The following SLC25A48 variants were observed in gnomAD, a reference collection of about 807,000 sequenced individuals.
SLC25A48 encodes solute carrier family 25 member 48.
A neutral mutation model predicts 32.2 loss-of-function variants in SLC25A48; 29 were observed. That is an observed-to-expected ratio of 0.90 (90% CI 0.67 to 1.23). The LOEUF (loss-of-function observed/expected upper bound fraction) is 1.23. Ranked by LOEUF, SLC25A48 falls within the 50% of genes most tolerant of loss-of-function variation. The probability of loss-of-function intolerance (pLI) is 0.00; values close to 1 mark genes in which losing one functional copy is unlikely to be tolerated. For synonymous variants in SLC25A48, 164 were observed against 172.3 expected (o/e 0.95, Z 0.38); for missense variants, 399 against 422.7 (o/e 0.94, Z 0.49).
At chr5:135,837,446 GAA>G (rs759510396) in intron 1 of SLC25A48, among the ~76,000 whole-genome samples, 4 of 152,130 alleles carry the variant, frequency 2.6e-5, no homozygotes, top group Non-Finnish European at 5.9e-5. Flanking sequence ...GTGTTCTCGG[GAA>G]TTTGTCTTTG....
At chr5:135,624,217 T>C (rs1336309161) in intron 1 of SLC25A48, among the ~76,000 whole-genome samples, 1 of 152,118 alleles carries the variant, frequency 6.6e-6, no homozygotes. Context: ...CTGGGAACCA[T>C]AGCGCAGTGA....
intron 1 of SLC25A48, among the ~76,000 whole-genome samples, chr5:135,623,951 T>C (rs1464079701): frequency 1.3e-5 from 2 of 152,178 alleles, no homozygotes; most frequent in African/African-American, 4.8e-5. Flanking sequence ...AGCCTCACCT[T>C]CACAGAGCTT....
intron 3 of SLC25A48, among the ~76,000 whole-genome samples, chr5:135,800,849 T>C (rs959425691): frequency 1.1e-4 from 16 of 151,436 alleles, no homozygotes; most frequent in African/African-American, 2.7e-4. Context: ...GCCTGTGATA[T>C]GGTTCGTAAC....
intron 3 of SLC25A48, chr5:135,649,302 T>G (rs1753046248): frequency 6.6e-6 from 1 of 152,166 alleles, no homozygotes; most frequent in African/African-American, 2.4e-5. Context: ...GTGTAAATGA[T>G]TGACTTGGTG....
At position 135,854,100 on chromosome 5, in the gene SLC25A48, T is replaced by C. The variant is rs181627736; in HGVS notation, c.421+1279T>C. 2.6e-5 allele frequency among the ~76,000 whole-genome samples: 4 copies of C among 152,330 alleles called. No individual in the cohort carries two copies. The East Asian group carries it at 7.7e-4, about 29-fold the overall frequency. ...GGTCTCAACAGCGGACCTAAAATAC[T>C]CAGGAAACCATGCTGTAAACAGATG... On this transcript the variant is annotated intron_variant, in intron 4 of 7. Transcript: ENST00000681962.
chr5:135,612,012 C>T (rs1752083013), intron 1 of SLC25A48, among the ~76,000 whole-genome samples: 1 of 152,132 alleles, frequency 6.6e-6, no homozygotes, highest in Non-Finnish European at 1.5e-5. Flanking sequence ...TTAAGGTGCC[C>T]AGGCAACATG....
At chr5:135,613,518 G>A (rs1259283341) in intron 1 of SLC25A48, among the ~76,000 whole-genome samples, 4 of 152,156 alleles carry the variant, frequency 2.6e-5, no homozygotes, top group African/African-American at 9.6e-5. Flanking sequence ...AAGTCCTGAA[G>A]TGTTTTCCCT....
intron 2 of SLC25A48, among the ~76,000 whole-genome samples, chr5:135,634,401 A>G (rs1752649897): frequency 6.6e-6 from 1 of 152,212 alleles, no homozygotes; most frequent in Non-Finnish European, 1.5e-5. Flanking sequence ...AGTTCTGGCT[A>G]ATGGCCAATC....
chr5:135,604,534 A>G (rs150746737), intron 1 of SLC25A48, among the ~76,000 whole-genome samples: 13 of 152,232 alleles, frequency 8.5e-5, no homozygotes, highest in South Asian at 2.1e-4. Flanking sequence ...TTTGATGGTT[A>G]TTTCTTTGGC....
chr5:135,839,224 G>C (rs1200221836), intron 1 of SLC25A48, among the ~76,000 whole-genome samples: 1 of 152,184 alleles, frequency 6.6e-6, no homozygotes, highest in Non-Finnish European at 1.5e-5. Context: ...ACTCATGCCA[G>C]CAGCTGGGAG....
upstream of SLC25A48, among the ~76,000 whole-genome samples, chr5:135,832,578 C>T (rs1342254497): frequency 6.6e-5 from 10 of 152,222 alleles, no homozygotes; most frequent in African/African-American, 1.2e-4. Context: ...TCCTGTAGAA[C>T]GATGGACTCC....
chr5:135,659,778 AT>A (rs1039273576), intron 3 of SLC25A48, among the ~76,000 whole-genome samples: 23 of 152,222 alleles, frequency 1.5e-4, no homozygotes, highest in Admixed American at 6.5e-5. Flanking sequence ...AAGCAAGCAC[AT>A]CTTCACATAG....
At chr5:135,844,819 C>T (rs534344660) in intron 2 of SLC25A48, among the ~76,000 whole-genome samples, 67 of 152,256 alleles carry the variant, frequency 4.4e-4, no homozygotes, top group African/African-American at 1.6e-3. Flanking sequence ...TGGGACACCT[C>T]AAAAGATGAA....
At chr5:135,694,413 A>T (rs1754220040) in intron 3 of SLC25A48, among the ~76,000 whole-genome samples, 2 of 152,138 alleles carry the variant, frequency 1.3e-5, no homozygotes, top group African/African-American at 4.8e-5. Flanking sequence ...ATATCTAAGC[A>T]TCCTTTATAT....
At chr5:135,651,745 G>A (rs377740644) in intron 3 of SLC25A48, among the ~76,000 whole-genome samples, 3 of 152,090 alleles carry the variant, frequency 2.0e-5, no homozygotes, top group South Asian at 2.1e-4. Flanking sequence ...GGACCTTATG[G>A]GCAGAACTTT....
intron 4 of SLC25A48, among the ~76,000 whole-genome samples, chr5:135,817,783 A>G (rs1181284274): frequency 1.3e-5 from 2 of 152,246 alleles, no homozygotes; most frequent in African/African-American, 4.8e-5. Flanking sequence ...AAGAACTTGT[A>G]TCCAGCATAC....
chr5:135,607,839 G>T (rs1486185380), intron 1 of SLC25A48, among the ~76,000 whole-genome samples: 1 of 152,210 alleles, frequency 6.6e-6, no homozygotes. Flanking sequence ...GTAGGAGGCA[G>T]AATTGGCTTA....
chr5:135,704,079 C>G (rs1021145270), intron 3 of SLC25A48, among the ~76,000 whole-genome samples: 16 of 152,194 alleles, frequency 1.1e-4, no homozygotes, highest in Non-Finnish European at 1.8e-4. Flanking sequence ...CATTTTGGAC[C>G]TGACTTGAAG....
chr5:135,785,796 G>T (rs1226028435), intron 3 of SLC25A48, among the ~76,000 whole-genome samples: 1 of 149,054 alleles, frequency 6.7e-6, no homozygotes, highest in Non-Finnish European at 1.5e-5. Context: ...TCCAGGGGGC[G>T]AGAGGGTAAC....
Sources: gnomAD v4.1 joint callset for allele counts (sites outside exome capture counted in the v4.1 genomes callset) on GRCh38, gnomAD v4.1.1 for gene constraint, MANE v1.5 for transcripts, NCBI Gene and HGNC (gene_info 2026-07-23, HGNC 2026-07-21) for gene names.